Variants in API5 observed in about 807,000 individuals in gnomAD.
API5 encodes FIF.
API5 carries 6 observed loss-of-function variants against 71.9 expected under a neutral mutation model. That is an observed-to-expected ratio of 0.08 (90% CI 0.05 to 0.16). The LOEUF (loss-of-function observed/expected upper bound fraction) is 0.16. Among genes scored for constraint, API5 ranks in the 10% least tolerant of loss-of-function variants. The pLI is 1.00. For missense variants in API5, 332 were observed against 612.8 expected, an observed-to-expected ratio of 0.54 and a Z score of 4.84; for synonymous variants, 189 against 221.3, an observed-to-expected ratio of 0.85 and a Z score of 1.30.
intron 10 of API5, 164 bp downstream of exon 10, chr11:43,330,222 T>C: frequency 1.5e-6 from 1 of 654,418 alleles, no homozygotes; most frequent in Non-Finnish European, 2.6e-6. Context: ...TAACTTAAAC[T>C]GATTTATTTT....
Position 43,343,586 on chromosome 11 carries a change from A to T in API5, c.*1076A>T, listed in dbSNP as rs1202109417. 1 of 152,636 alleles carries T rather than the reference A, an allele frequency of 6.6e-6. No individual in the cohort carries two copies. The highest frequency in any genetic ancestry group is 1.5e-5 in the Non-Finnish European group (1 of 68,038). 9.5% of individuals were successfully genotyped at this position (152,636 alleles called of 1,614,324 possible). ...GTGACTTGATAACATGGTACCAATA[A>T]GTAAGGGATGCTCTCTCGGTTTGCT... On this transcript the variant is annotated 3_prime_UTR_variant, in exon 14 of 14. Transcript: ENST00000531273.
chr11:43,343,983 A>G lies in API5; in HGVS notation c.*1473A>G, dbSNP rs938612793. On this transcript the variant is annotated 3_prime_UTR_variant, in exon 14 of 14. Transcript: ENST00000531273. ...TACTGCACATGTGTATGGGGAAAAT[A>G]GTTCTGAAAGGCTAGAATGATACAA... 3.3e-5 allele frequency: 5 copies of G among 152,792 alleles called. No homozygotes were observed. The highest frequency in any genetic ancestry group is 1.2e-4 in the African/African-American group (5 of 41,596). 9.5% of individuals were successfully genotyped at this position (152,792 alleles called of 1,614,324 possible).
Position 43,342,797 on chromosome 11 carries a change from G to T in API5, c.*287G>T. The T allele has an allele frequency of 1.7e-6, 1 of 591,712 alleles. No individual in the cohort carries two copies. Among genetic ancestry groups the T allele is most frequent in the Non-Finnish European group, 3.0e-6 (1 of 330,014 alleles). 36.7% of individuals were successfully genotyped at this position (591,712 alleles called of 1,614,324 possible). A position where few individuals can be genotyped will look rare whatever the true frequency, so the allele number is the denominator to read the frequency against. The stretch of plus-strand genomic sequence containing the variant: ...AATCTTTTAAACATCTTGATAATTT[G>T]TTGTTGAGAGCTGTTCATTCTAAAA... On this transcript the variant is annotated 3_prime_UTR_variant, in exon 14 of 14. Transcript: ENST00000531273.
chr11:43,325,668 G>C (rs1160134677), intron 6 of API5, among the ~76,000 whole-genome samples: 1 of 152,164 alleles, frequency 6.6e-6, no homozygotes, highest in Non-Finnish European at 1.5e-5. Context: ...AAACAAGTGG[G>C]ATCAAGATCC....
rs1279827972 is a variant in API5 at position 43,343,977 on chromosome 11, G to A, written c.*1467G>A. ...TAGAATTACTGCACATGTGTATGGG[G>A]AAAATAGTTCTGAAAGGCTAGAATG... On this transcript the variant is annotated 3_prime_UTR_variant, in exon 14 of 14. Coordinates refer to ENST00000531273, the MANE Select transcript of API5 (RefSeq NM_001142930.2). The A allele has an allele frequency of 6.6e-6, 1 of 152,622 alleles. No homozygotes were observed. Among genetic ancestry groups the A allele is most frequent in the African/African-American group, 2.4e-5 (1 of 41,448 alleles). 9.5% of individuals were successfully genotyped at this position (152,622 alleles called of 1,614,324 possible). A position where few individuals can be genotyped will look rare whatever the true frequency, so the allele number is the denominator to read the frequency against.
intron 13 of API5, among the ~76,000 whole-genome samples, chr11:43,338,239 G>T (rs1025081023): frequency 3.9e-5 from 6 of 152,270 alleles, no homozygotes; most frequent in African/African-American, 1.4e-4. Flanking sequence ...TATTTCACCT[G>T]TTGAAACAAA....
chr11:43,319,772 T>C (rs1854803227), intron 2 of API5, among the ~76,000 whole-genome samples: 1 of 152,178 alleles, frequency 6.6e-6, no homozygotes, highest in Non-Finnish European at 1.5e-5. Context: ...GAATTAAACA[T>C]GCAGAATATA....
intron 1 of API5, among the ~76,000 whole-genome samples, chr11:43,316,476 T>G (rs1235587137): frequency 1.3e-5 from 2 of 152,132 alleles, no homozygotes; most frequent in Non-Finnish European, 2.9e-5. Flanking sequence ...AAATTAGATT[T>G]GTGATACCCT....
At chr11:43,313,500 A>G (rs933626623) in intron 1 of API5, among the ~76,000 whole-genome samples, 44 of 152,238 alleles carry the variant, frequency 2.9e-4, no homozygotes, top group African/African-American at 1.0e-3. Context: ...AAAGTGGAAG[A>G]TTCTAGTCTA....
chr11:43,312,348 C>T (rs780815640), intron 1 of API5, 152 bp downstream of exon 1: 46 of 801,850 alleles, frequency 5.7e-5, no homozygotes, highest in South Asian at 3.8e-4. Flanking sequence ...GGGTGGGCCT[C>T]TCTGGGAGTG....
At chr11:43,319,856 A>G (rs1164489346) in intron 2 of API5, among the ~76,000 whole-genome samples, 1 of 152,234 alleles carries the variant, frequency 6.6e-6, no homozygotes, top group Non-Finnish European at 1.5e-5. Flanking sequence ...ACATTGCCAC[A>G]GTAGCCATTT....
At chr11:43,324,202 G>T (rs1053663414) in intron 6 of API5, among the ~76,000 whole-genome samples, 2 of 152,106 alleles carry the variant, frequency 1.3e-5, no homozygotes, top group African/African-American at 4.8e-5. Flanking sequence ...GTTTTTTGTA[G>T]AGACGGGGCT....
Position 43,326,012 on chromosome 11 carries a change from CAG to C in API5, c.751-494_751-493del, listed in dbSNP as rs1182483865. Among the ~76,000 whole-genome samples, 7 of 152,298 alleles carry C rather than the reference CAG, an allele frequency of 4.6e-5. No individual in the cohort carries two copies. The East Asian group carries it at 5.8e-4, about 13-fold the overall frequency. On this transcript the variant is annotated intron_variant, in intron 6 of 13. Transcript: ENST00000531273. ...GCTCCTGCTCATTCCTCTCATCAAA[CAG>C]GGACAATTTTTTAAGAGTTTTGATG...
rs1855227979 is a variant in API5, at chr11:43,330,849, G to GT, written c.1278+291dup. Among the ~76,000 whole-genome samples the GT allele has an allele frequency of 4.6e-5, 7 of 152,234 alleles. No individual in the cohort carries two copies. In the South Asian group the frequency reaches 1.4e-3, roughly 32 times the overall value. ...CACAATGAAATGTTTTTCTGTGTTT[G>GT]TTTTTTATAAACTTGACTATGTAAT... On this transcript the variant is annotated intron_variant, in intron 11 of 13. Coordinates refer to ENST00000531273, the MANE Select transcript of API5 (RefSeq NM_001142930.2).
intron 13 of API5, chr11:43,340,252 C>A: frequency 2.9e-6 from 1 of 339,366 alleles, no homozygotes; most frequent in Admixed American, 4.4e-5. Flanking sequence ...ACAAGGAAAA[C>A]TACAAAACAC....
At chr11:43,331,936 C>A (rs941582043) in intron 11 of API5, 2 of 152,120 alleles carry the variant, frequency 1.3e-5, no homozygotes, top group Admixed American at 1.3e-4. Flanking sequence ...ATAGTAAATT[C>A]ATATATAAAA....
At chr11:43,317,989 T>TTTTG (rs150179034) in intron 1 of API5, among the ~76,000 whole-genome samples, 139,726 of 150,800 alleles carry the variant, frequency 0.93, 64,877 homozygotes, top group Non-Finnish European at 0.95. Context: ...ATTACAATTG[T>TTTTG]TTTGTTTGTT....
At chr11:43,342,309 A>G in intron 13 of API5, 119 bp from the exon 14 acceptor site, 1 of 795,686 alleles carries the variant, frequency 1.3e-6, no homozygotes, top group Non-Finnish European at 2.0e-6. Context: ...ATAGCAGAAT[A>G]TTAGTTCTGT....
At chr11:43,321,953 G>T in intron 4 of API5, 32 bp from the exon 5 acceptor site, 1 of 1,589,774 alleles carries the variant, frequency 6.3e-7, no homozygotes, top group Non-Finnish European at 8.5e-7. Context: ...CTATAGAATT[G>T]ACTTGCTACA....
Sources: allele counts gnomAD v4.1 joint callset (sites outside exome capture counted in the v4.1 genomes callset), GRCh38; gene constraint gnomAD v4.1.1; transcripts MANE v1.5; gene names NCBI Gene and HGNC (gene_info 2026-07-23, HGNC 2026-07-21).